Variants in PRKN observed in about 807,000 individuals in gnomAD.
PRKN encodes E3 ubiquitin-protein ligase parkin.
A neutral mutation model predicts 59.5 loss-of-function variants in PRKN; 56 were observed. That is an observed-to-expected ratio of 0.94 (90% CI 0.76 to 1.18). The LOEUF is 1.18. Ranked by LOEUF, PRKN falls within the 50% of genes most tolerant of loss-of-function variation. The pLI is 0.00. For synonymous variants in PRKN, 250 were observed against 222.1 expected, an observed-to-expected ratio of 1.13 and a Z score of -1.12; for missense variants, 657 against 596.4, an observed-to-expected ratio of 1.10 and a Z score of -1.06.
intron 1 of PRKN, among the ~76,000 whole-genome samples, chr6:162,710,414 C>CACACAA (rs759309558): frequency 1.5e-3 from 225 of 150,080 alleles, no homozygotes; most frequent in African/African-American, 5.2e-3. Flanking sequence ...CACACACACA[C>CACACAA]AACTGTTTGG....
chr6:162,606,245 C>T (rs1781908325), intron 1 of PRKN, among the ~76,000 whole-genome samples: 1 of 152,146 alleles, frequency 6.6e-6, no homozygotes, highest in Non-Finnish European at 1.5e-5. Flanking sequence ...TTAAAATACC[C>T]TAAGTTGAAA....
intron 6 of PRKN, among the ~76,000 whole-genome samples, chr6:161,839,988 G>C (rs1381688351): frequency 6.6e-6 from 1 of 152,192 alleles, no homozygotes; most frequent in Non-Finnish European, 1.5e-5. Context: ...CTGCAAAAGA[G>C]GCACTCGCCC....
chr6:161,889,346 G>A (rs923262448), intron 6 of PRKN, among the ~76,000 whole-genome samples: 2 of 152,024 alleles, frequency 1.3e-5, no homozygotes, highest in African/African-American at 2.4e-5. Context: ...TGCCAAAAAC[G>A]AGAGCCCAGA....
At chr6:162,431,815 G>T (rs956651024) in intron 2 of PRKN, among the ~76,000 whole-genome samples, 2 of 152,112 alleles carry the variant, frequency 1.3e-5, no homozygotes, top group Non-Finnish European at 2.9e-5. Context: ...ATCAACAAAT[G>T]TATTATATTT....
At chr6:162,559,603 G>GTT (rs1779753117) in intron 1 of PRKN, among the ~76,000 whole-genome samples, 1 of 152,142 alleles carries the variant, frequency 6.6e-6, no homozygotes. Flanking sequence ...ACTGGTAAAA[G>GTT]GGAAAGCCTT....
At chr6:161,965,659 G>A (rs1780550408) in intron 6 of PRKN, among the ~76,000 whole-genome samples, 1 of 152,052 alleles carries the variant, frequency 6.6e-6, no homozygotes, top group South Asian at 2.1e-4. Flanking sequence ...ACATGTTAAG[G>A]AGGCATGAGA....
At chr6:162,452,126 T>C (rs531597414) in intron 1 of PRKN, among the ~76,000 whole-genome samples, 6 of 152,174 alleles carry the variant, frequency 3.9e-5, no homozygotes, top group Non-Finnish European at 7.4e-5. Context: ...AAAATGCTTG[T>C]CAATGCAGAA....
chr6:162,349,974 C>A (rs1230725785), intron 2 of PRKN, among the ~76,000 whole-genome samples: 1 of 152,120 alleles, frequency 6.6e-6, no homozygotes, highest in African/African-American at 2.4e-5. Flanking sequence ...GAACTCCTAC[C>A]AGAAGTACTA....
intron 1 of PRKN, among the ~76,000 whole-genome samples, chr6:162,652,327 A>G (rs1054784578): frequency 6.6e-6 from 1 of 152,144 alleles, no homozygotes; most frequent in Non-Finnish European, 1.5e-5. Flanking sequence ...CTCATTATGT[A>G]CATACTTTCA....
chr6:162,338,430 T>C (rs577425944), intron 2 of PRKN, among the ~76,000 whole-genome samples: 257 of 152,102 alleles, frequency 1.7e-3, no homozygotes, highest in African/African-American at 6.0e-3. Flanking sequence ...GCCTGACTGG[T>C]TTTGGTGGAG....
At chr6:161,741,513 T>A (rs1256288227) in intron 7 of PRKN, among the ~76,000 whole-genome samples, 1 of 152,254 alleles carries the variant, frequency 6.6e-6, no homozygotes, top group South Asian at 2.1e-4. Context: ...CCCTAGAGCA[T>A]CACATCAGGG....
intron 7 of PRKN, among the ~76,000 whole-genome samples, chr6:161,604,953 A>T (rs1229744750): frequency 2.0e-5 from 3 of 152,180 alleles, no homozygotes; most frequent in Admixed American, 2.0e-4. Context: ...GAGAAATCTG[A>T]CACATTCTTA....
chr6:161,430,687 C>A (rs376694104), intron 9 of PRKN, among the ~76,000 whole-genome samples: 1 of 150,808 alleles, frequency 6.6e-6, no homozygotes, highest in Non-Finnish European at 1.5e-5. Context: ...TAGTGGCGGG[C>A]GCCTGTAGTC....
chr6:162,043,745 GTTTTCTAGGAAGA>G (rs1203532613), intron 5 of PRKN, among the ~76,000 whole-genome samples: 1 of 152,216 alleles, frequency 6.6e-6, no homozygotes, highest in East Asian at 1.9e-4. Flanking sequence ...AGGGTCCTCA[GTTTTCTAGGAAGA>G]TTGACAAGAA....
rs2115156528 is a variant in PRKN, at chr6:161,459,175, T to C, written c.1084-72298A>G. Reference sequence around the variant, plus strand: ...ACCTGCCCTCAGTGATCACCATTTTTCAGGTAAGACTTGTTCTCCAGGTTA... The same window carrying C: ...ACCTGCCCTCAGTGATCACCATTTTCCAGGTAAGACTTGTTCTCCAGGTTA... On this transcript the variant is annotated intron_variant, in intron 9 of 11. Coordinates refer to ENST00000366898, the MANE Select transcript of PRKN (RefSeq NM_004562.3). The surrounding 1 kb of genome is among the most constrained non-coding windows in gnomAD (Gnocchi z 4.8). Among the ~76,000 whole-genome samples, 1 of 152,296 alleles carries C rather than the reference T, an allele frequency of 6.6e-6. No individual in the cohort carries two copies. Among genetic ancestry groups the C allele is most frequent in the South Asian group, 2.1e-4 (1 of 4,824 alleles).
At chr6:162,637,453 C>A (rs1053310783) in intron 1 of PRKN, among the ~76,000 whole-genome samples, 1 of 152,062 alleles carries the variant, frequency 6.6e-6, no homozygotes, top group African/African-American at 2.4e-5. Flanking sequence ...AGGGAGAGAT[C>A]AAAGTCTTAC....
At chr6:162,011,654 C>A (rs1207112024) in intron 5 of PRKN, among the ~76,000 whole-genome samples, 1 of 147,554 alleles carries the variant, frequency 6.8e-6, no homozygotes, top group African/African-American at 2.5e-5. Context: ...ACAGCAAAAA[C>A]CTTGATAGCG....
chr6:162,017,459 G>A (rs532767558), intron 5 of PRKN, among the ~76,000 whole-genome samples: 4 of 152,244 alleles, frequency 2.6e-5, no homozygotes, highest in African/African-American at 9.6e-5. Flanking sequence ...TATCCATTAT[G>A]TTCATGTCAT....
chr6:161,631,800 A>C (rs576857694), intron 7 of PRKN, among the ~76,000 whole-genome samples: 9 of 137,492 alleles, frequency 6.5e-5, no homozygotes, highest in Admixed American at 6.4e-4. Flanking sequence ...CACACCCCAC[A>C]CACACACATT....
Sources: gnomAD v4.1 joint callset for allele counts (sites outside exome capture counted in the v4.1 genomes callset) on GRCh38, gnomAD v4.1.1 for gene constraint, Gnocchi (gnomAD v3.1) non-coding constraint, MANE v1.5 for transcripts, NCBI Gene and HGNC (gene_info 2026-07-23, HGNC 2026-07-21) for gene names.